Variants in SENP7 observed in about 807,000 individuals in gnomAD.
The protein encoded by SENP7 is sentrin-specific protease 7.
In SENP7, 64 loss-of-function variants were observed where a neutral mutation model predicts 141.2. The observed-to-expected ratio is 0.45, with a 90% CI of 0.37 to 0.56. The LOEUF (loss-of-function observed/expected upper bound fraction) is 0.56. SENP7 is among the 20% of genes least tolerant of loss of function. The pLI, the probability that SENP7 is intolerant of heterozygous loss-of-function variation, is 0.00. For missense variants in SENP7, 1,025 were observed against 1,212.2 expected (o/e 0.85, Z 2.29); for synonymous variants, 382 against 426.4 (o/e 0.90, Z 1.28).
intron 12 of SENP7, among the ~76,000 whole-genome samples, chr3:101,348,897 T>C (rs1280485333): frequency 6.6e-6 from 1 of 152,090 alleles, no homozygotes; most frequent in African/African-American, 2.4e-5. Flanking sequence ...CAGTCAAGCG[T>C]AAACCCAAGA....
Position 101,343,830 on chromosome 3 carries a change from C to G in SENP7, c.1962G>C (p.Pro654=). 6.2e-7 allele frequency: 1 copy of G among 1,613,734 alleles called. No individual in the cohort carries two copies. Among genetic ancestry groups the G allele is most frequent in the Non-Finnish European group, 8.5e-7 (1 of 1,179,810 alleles). Residue 654 remains proline (P), a synonymous_variant, in exon 14 of 24, where the codon CCG becomes CCC. Transcript: ENST00000394095. ...AAGGAAATGCCTGAACCCAAGACAA[C>G]GGGTAAGAAAGCTCTAATTCTCCAC... ...IISGELELSY[P]LSWVQAFPLF... is the part of the protein sequence containing the mutation.
intron 4 of SENP7, among the ~76,000 whole-genome samples, chr3:101,451,466 T>C (rs2063131724): frequency 1.3e-5 from 2 of 152,204 alleles, no homozygotes; most frequent in Non-Finnish European, 2.9e-5. Flanking sequence ...AAATCCTCAA[T>C]AGAACACTGG....
intron 6 of SENP7, among the ~76,000 whole-genome samples, chr3:101,386,128 G>T (rs1017495275): frequency 2.6e-5 from 4 of 152,156 alleles, no homozygotes; most frequent in Non-Finnish European, 1.5e-5. Flanking sequence ...CAAAACAGCT[G>T]TTAGATAACC....
chr3:101,340,073 GATC>G lies in SENP7; in HGVS notation c.2357+19_2357+21del. The G allele has an allele frequency of 6.5e-7, 1 of 1,535,940 alleles. No homozygotes were observed. The highest frequency in any genetic ancestry group is 8.7e-7 in the Non-Finnish European group (1 of 1,148,592). ...TCAGTAAAATCTGTAAAATATGTAGGATCATTTATCATTGTACTTACTTAAGGT... is the reference window on the plus strand; with the variant it reads ...TCAGTAAAATCTGTAAAATATGTAGGATTTATCATTGTACTTACTTAAGGT... On this transcript the variant is annotated intron_variant, in intron 16 of 23. Coordinates refer to ENST00000394095, the MANE Select transcript of SENP7 (RefSeq NM_020654.5).
intron 5 of SENP7, among the ~76,000 whole-genome samples, chr3:101,415,175 T>C (rs2061577365): frequency 6.6e-6 from 1 of 152,256 alleles, no homozygotes; most frequent in Non-Finnish European, 1.5e-5. Flanking sequence ...GGCATACAAG[T>C]TGATTTTAAG....
At chr3:101,399,175 C>T (rs2107580535) in intron 5 of SENP7, 120 bp from the exon 6 acceptor site, 1 of 535,970 alleles carries the variant, frequency 1.9e-6, no homozygotes, top group Non-Finnish European at 3.1e-6. Flanking sequence ...GTTCGAACTA[C>T]ACCACCCTAG....
chr3:101,334,138 T>C (rs2059126443), intron 17 of SENP7, among the ~76,000 whole-genome samples: 1 of 152,138 alleles, frequency 6.6e-6, no homozygotes, highest in South Asian at 2.1e-4. Context: ...GCCTGGCTCC[T>C]AACAGGCCAC....
chr3:101,445,018 A>G (rs2062836221), intron 4 of SENP7, among the ~76,000 whole-genome samples: 1 of 152,190 alleles, frequency 6.6e-6, no homozygotes, highest in Non-Finnish European at 1.5e-5. Context: ...CCAAGACACT[A>G]AACTTCTCCC....
rs982456085 is a variant in SENP7 at position 101,487,862 on chromosome 3, G to A, written c.186+6011C>T. ...GTACCATGCTGTTTTGGTTACTGTGGGCTTATAATATAATTTGAAGTCAGG... is the reference window on the plus strand; with the variant it reads ...GTACCATGCTGTTTTGGTTACTGTGAGCTTATAATATAATTTGAAGTCAGG... On this transcript the variant is annotated intron_variant, in intron 3 of 23. Coordinates refer to ENST00000394095, the MANE Select transcript of SENP7 (RefSeq NM_020654.5). Among the ~76,000 whole-genome samples, 6 of 152,054 alleles carry A rather than the reference G, an allele frequency of 3.9e-5. No individual in the cohort carries two copies. The East Asian group carries it at 1.2e-3, about 29-fold the overall frequency.
Position 101,416,866 on chromosome 3 carries a change from C to T in SENP7, c.482+727G>A, listed in dbSNP as rs145814357. ...ACCATATAACCAAAGTACTGTCTCG[C>T]TAATTGTAAGTTATTCTAACTGAAA... On this transcript the variant is annotated intron_variant, in intron 5 of 23. Transcript: ENST00000394095. Among the ~76,000 whole-genome samples the T allele has an allele frequency of 9.1e-4, 139 of 152,246 alleles. 1 individual carries two copies. The East Asian group carries it at 0.011, about 12-fold the overall frequency.
At chr3:101,487,468 A>C (rs2064779389) in intron 3 of SENP7, among the ~76,000 whole-genome samples, 1 of 151,992 alleles carries the variant, frequency 6.6e-6, no homozygotes, top group Non-Finnish European at 1.5e-5. Flanking sequence ...AATTAAATTA[A>C]GTTTCATTTG....
rs116339311 is a variant in SENP7, at chr3:101,460,914, T to C, written c.187-1862A>G. On this transcript the variant is annotated intron_variant, in intron 3 of 23. Transcript: ENST00000394095. ...GAGTTTCAGGTCAGCCTGGGCAACA[T>C]AGTAAGACCCCATCTCTTAAAAGAA... 5.8e-3 allele frequency among the ~76,000 whole-genome samples: 873 copies of C among 151,642 alleles called. 10 individuals carry two copies. The highest frequency in any genetic ancestry group is 0.02 in the African/African-American group (835 of 41,298).
chr3:101,389,821 G>C (rs763817052), intron 6 of SENP7, among the ~76,000 whole-genome samples: 1 of 151,770 alleles, frequency 6.6e-6, no homozygotes, highest in African/African-American at 2.4e-5. Flanking sequence ...GTGGAAGAAA[G>C]AAAAAAAGGA....
At chr3:101,463,381 A>ATG (rs2063636902) in intron 3 of SENP7, among the ~76,000 whole-genome samples, 1 of 79,302 alleles carries the variant, frequency 1.3e-5, no homozygotes, top group South Asian at 3.9e-4. Context: ...ATATATATAT[A>ATG]TATATATATA....
intron 3 of SENP7, among the ~76,000 whole-genome samples, chr3:101,462,167 A>T (rs565291856): frequency 6.6e-6 from 1 of 152,358 alleles, no homozygotes; most frequent in Admixed American, 6.5e-5. Context: ...AACGGCTAAC[A>T]TGGTAAATTT....
At chr3:101,445,816 C>A (rs1192710079) in intron 4 of SENP7, among the ~76,000 whole-genome samples, 2 of 152,170 alleles carry the variant, frequency 1.3e-5, no homozygotes, top group African/African-American at 4.8e-5. Flanking sequence ...CATACTGATA[C>A]AAGCATAAAT....
intron 3 of SENP7, among the ~76,000 whole-genome samples, chr3:101,479,590 C>CA (rs1183387383): frequency 6.7e-6 from 1 of 148,570 alleles, no homozygotes; most frequent in Non-Finnish European, 1.5e-5. Flanking sequence ...GCTTGGGTGA[C>CA]AGAGTGAAAC....
chr3:101,438,067 C>A (rs999126861), intron 4 of SENP7, among the ~76,000 whole-genome samples: 1 of 152,054 alleles, frequency 6.6e-6, no homozygotes, highest in African/African-American at 2.4e-5. Flanking sequence ...TTAAAAATAT[C>A]ATTACTATAA....
intron 2 of SENP7, among the ~76,000 whole-genome samples, chr3:101,495,591 C>A (rs773002379): frequency 7.9e-5 from 12 of 152,160 alleles, no homozygotes; most frequent in Non-Finnish European, 1.6e-4. Flanking sequence ...ACAATCGTGT[C>A]TTTTGCAGGG....
Sources: gnomAD v4.1 joint callset for allele counts (sites outside exome capture counted in the v4.1 genomes callset) on GRCh38, gnomAD v4.1.1 for gene constraint, MANE v1.5 for transcripts, NCBI Gene and HGNC (gene_info 2026-07-23, HGNC 2026-07-21) for gene names.